The following SLC25A26 variants were observed in gnomAD, a reference collection of about 807,000 sequenced individuals.
The protein encoded by SLC25A26 is solute carrier family 25 member 26.
SLC25A26 carries 36 observed loss-of-function variants against 37.8 expected under a neutral mutation model. That is an observed-to-expected ratio of 0.95 (90% CI 0.73 to 1.26). The LOEUF (loss-of-function observed/expected upper bound fraction) is 1.26, where lower values mean the gene tolerates loss of function less well. Among genes scored for constraint, SLC25A26 ranks in the 50% most tolerant of loss-of-function variants. The probability of loss-of-function intolerance (pLI) is 0.00; values close to 1 mark genes in which losing one functional copy is unlikely to be tolerated. For missense variants in SLC25A26, 390 were observed against 331.1 expected (o/e 1.18, Z -1.38); for synonymous variants, 129 against 122.5 (o/e 1.05, Z -0.35).
At chr3:66,220,479 G>A (rs537254345), upstream of SLC25A26, among the ~76,000 whole-genome samples, 19 of 152,134 alleles carry the variant, frequency 1.2e-4, no homozygotes, top group Non-Finnish European at 2.6e-4. Context: ...AATTTTAAAT[G>A]CAGTAACTCT....
chr3:66,360,523 G>T (rs1344550336), intron 6 of SLC25A26, among the ~76,000 whole-genome samples: 1 of 152,132 alleles, frequency 6.6e-6, no homozygotes, highest in Non-Finnish European at 1.5e-5. Flanking sequence ...AAGCTATGAG[G>T]TTGGTAACTT....
intron 5 of SLC25A26, among the ~76,000 whole-genome samples, chr3:66,307,450 G>C (rs1422740332): frequency 6.6e-6 from 1 of 151,992 alleles, no homozygotes; most frequent in Non-Finnish European, 1.5e-5. Flanking sequence ...CCATTCTGTA[G>C]GTTGCCTGTT....
intron 6 of SLC25A26, among the ~76,000 whole-genome samples, chr3:66,350,391 T>A (rs1432818903): frequency 6.6e-6 from 1 of 152,192 alleles, no homozygotes; most frequent in Non-Finnish European, 1.5e-5. Context: ...AAAATTTGAT[T>A]CCCTTCTTGC....
intron 5 of SLC25A26, among the ~76,000 whole-genome samples, chr3:66,301,353 G>C (rs561557484): frequency 6.6e-6 from 1 of 152,332 alleles, no homozygotes; most frequent in South Asian, 2.1e-4. Context: ...TGCTGCCACA[G>C]TGTGTAGGAC....
At chr3:66,315,557 G>T (rs1338617828) in intron 5 of SLC25A26, among the ~76,000 whole-genome samples, 1 of 151,948 alleles carries the variant, frequency 6.6e-6, no homozygotes, top group Non-Finnish European at 1.5e-5. Context: ...ATCAGTTTTA[G>T]AGTGCCATGT....
chr3:66,239,666 G>C (rs1341398449), intron 2 of SLC25A26, among the ~76,000 whole-genome samples: 1 of 152,126 alleles, frequency 6.6e-6, no homozygotes, highest in Non-Finnish European at 1.5e-5. Context: ...AATCATTTTA[G>C]AGACAGTAAG....
intron 2 of SLC25A26, among the ~76,000 whole-genome samples, chr3:66,237,133 G>C (rs1464250576): frequency 6.6e-6 from 1 of 152,124 alleles, no homozygotes. Flanking sequence ...GAGCCACTGT[G>C]CTGGGCCTAA....
At chr3:66,304,312 C>T in intron 5 of SLC25A26, 1 of 404,538 alleles carries the variant, frequency 2.5e-6, no homozygotes, top group Non-Finnish European at 4.9e-6. Context: ...GGGGGCCTCC[C>T]ACAATGCCTC....
chr3:66,165,958 G>A lies in SLC25A26; in HGVS notation c.-354+31974G>A, dbSNP rs1230378743. On this transcript the variant is annotated intron_variant, in intron 1 of 10. Coordinates refer to the SLC25A26 transcript ENST00000676754. ...CCACCACCCCCATCCCAACCCCACA[G>A]ACAGTTTTGGGCTTGGTATACACTT... 2.5e-5 allele frequency among the ~76,000 whole-genome samples: 3 copies of A among 119,282 alleles called. No homozygotes were observed. The Admixed American group carries it at 3.3e-4, about 13-fold the overall frequency. 78.3% of individuals were successfully genotyped at this position (119,282 alleles called of 152,430 possible).
In SLC25A26 at chr3:66,221,033, G is replaced by T. The variant is rs2071461129; in HGVS notation, c.-62G>T. On this transcript the variant is annotated 5_prime_UTR_variant, in exon 1 of 10. Coordinates refer to ENST00000354883, the MANE Select transcript of SLC25A26 (RefSeq NM_001379210.1). Reference sequence around the variant, plus strand: ...CCTCAAACATGGCGGCGCCCAGCGCGCGAGGACGTGATCCGCTTCTGCTCC... The same window carrying T: ...CCTCAAACATGGCGGCGCCCAGCGCTCGAGGACGTGATCCGCTTCTGCTCC... The T allele has an allele frequency of 7.2e-6, 11 of 1,520,584 alleles. No homozygotes were observed. Among genetic ancestry groups the T allele is most frequent in the African/African-American group, 1.4e-5 (1 of 72,660 alleles). 94.2% of individuals were successfully genotyped at this position (1,520,584 alleles called of 1,614,324 possible).
intron 5 of SLC25A26, among the ~76,000 whole-genome samples, chr3:66,331,408 C>G (rs1003623889): frequency 2.6e-5 from 4 of 151,952 alleles, no homozygotes; most frequent in African/African-American, 4.8e-5. Context: ...TACTTAATAC[C>G]CTTTAAAAAA....
intron 1 of SLC25A26, among the ~76,000 whole-genome samples, chr3:66,206,894 C>CTT (rs1192766670): frequency 6.5e-4 from 81 of 124,572 alleles, no homozygotes; most frequent in East Asian, 1.1e-3. Flanking sequence ...TTCTTTCTTT[C>CTT]TTTTTTTTTT....
At chr3:66,240,253 T>C (rs922064452) in intron 2 of SLC25A26, among the ~76,000 whole-genome samples, 28 of 152,182 alleles carry the variant, frequency 1.8e-4, no homozygotes, top group African/African-American at 6.8e-4. Context: ...GTATAGTATG[T>C]GCTACAGTTA....
At chr3:66,213,399 CAAAAAAAAAAAAAAAAAA>C (rs1169648803) in intron 1 of SLC25A26, among the ~76,000 whole-genome samples, 1 of 28,830 alleles carries the variant, frequency 3.5e-5, no homozygotes, top group Non-Finnish European at 5.9e-5. Context: ...GACTCTGTCT[CAAAAAAAAAAAAAAAAAA>C]AAAAAAAAAG....
Position 66,165,358 on chromosome 3 carries a change from A to G in SLC25A26, c.-354+31374A>G, listed in dbSNP as rs866967896. 2.0e-5 allele frequency among the ~76,000 whole-genome samples: 3 copies of G among 152,218 alleles called. 1 individual carries two copies. On this transcript the variant is annotated intron_variant, in intron 1 of 10. Transcript: ENST00000676754. ...TAAGCTGCTTTTGAATTCTTGACTCACAGGAACTATGAGATAATACAGATC... is the reference window on the plus strand; with the variant it reads ...TAAGCTGCTTTTGAATTCTTGACTCGCAGGAACTATGAGATAATACAGATC...
intron 1 of SLC25A26, among the ~76,000 whole-genome samples, chr3:66,202,012 A>G (rs2071117197): frequency 6.6e-6 from 1 of 152,194 alleles, no homozygotes; most frequent in African/African-American, 2.4e-5. Flanking sequence ...GAAAGAAAAA[A>G]ATGATATACC....
At chr3:66,321,624 A>G (rs188819735) in intron 5 of SLC25A26, among the ~76,000 whole-genome samples, 36 of 152,346 alleles carry the variant, frequency 2.4e-4, no homozygotes, top group Middle Eastern at 3.4e-3. Flanking sequence ...ATAGGGAAGT[A>G]CAGATGAAGC....
At chr3:66,340,181 C>T in intron 5 of SLC25A26, among the ~76,000 whole-genome samples, 1 of 151,968 alleles carries the variant, frequency 6.6e-6, no homozygotes, top group African/African-American at 2.4e-5. Context: ...AGTCTTATTT[C>T]TGGGCTGTTT....
intron 5 of SLC25A26, among the ~76,000 whole-genome samples, chr3:66,269,274 G>C (rs189031242): frequency 6.6e-6 from 1 of 152,298 alleles, no homozygotes; most frequent in Admixed American, 6.5e-5. Flanking sequence ...CTGCAACCTT[G>C]ATATGTCTGC....
Sources: gnomAD v4.1 joint callset for allele counts (sites outside exome capture counted in the v4.1 genomes callset) on GRCh38, gnomAD v4.1.1 for gene constraint, MANE v1.5 for transcripts, NCBI Gene and HGNC (gene_info 2026-07-23, HGNC 2026-07-21) for gene names.